MS4A6E: variants seen among roughly 807,000 people sequenced by gnomAD.
MS4A6E encodes the protein membrane spanning 4-domains A6E.
In MS4A6E, 8 loss-of-function variants were observed where a neutral mutation model predicts 13.2. The observed-to-expected ratio is 0.60, with a 90% CI of 0.35 to 1.09. The LOEUF (loss-of-function observed/expected upper bound fraction) is 1.09. MS4A6E is among the 50% of genes least tolerant of loss of function. MS4A6E has a pLI of 0.02. For synonymous variants in MS4A6E, 72 were observed against 67.6 expected, an observed-to-expected ratio of 1.06 and a Z score of -0.32; for missense variants, 177 against 171.1, an observed-to-expected ratio of 1.03 and a Z score of -0.19.
intron 3 of MS4A6E, chr11:60,338,657 A>C (rs2085204444): frequency 6.6e-6 from 1 of 152,210 alleles, no homozygotes; most frequent in African/African-American, 2.4e-5. Flanking sequence ...TCTGAAGTTG[A>C]AAAATTAAGG....
At chr11:60,330,793 A>G (rs1477070692) in intron 1 of MS4A6E, among the ~76,000 whole-genome samples, 1 of 152,158 alleles carries the variant, frequency 6.6e-6, no homozygotes, top group African/African-American at 2.4e-5. Context: ...TAATTTTTGA[A>G]TAAGCTGTAA....
At chr11:60,336,446 T>A (rs538839105) in intron 2 of MS4A6E, among the ~76,000 whole-genome samples, 3 of 152,202 alleles carry the variant, frequency 2.0e-5, no homozygotes, top group African/African-American at 7.2e-5. Flanking sequence ...AATCCCACAG[T>A]GAACATGCAG....
chr11:60,343,330 T>G (rs114021604), downstream of MS4A6E, among the ~76,000 whole-genome samples: 1,589 of 152,290 alleles, frequency 0.01, 28 homozygotes, highest in African/African-American at 0.036. Context: ...CGCGTTAATA[T>G]AAAAGGAACC....
Position 60,337,770 on chromosome 11 carries a change from G to C in MS4A6E, c.177G>C (p.Leu59=). Reference sequence around the variant, plus strand: ...ATAGCAGCCTGGCTGGAAGCATTCTGAGTGCTCTGTCTGCCCTGGTGGGTT... The same window carrying C: ...ATAGCAGCCTGGCTGGAAGCATTCTCAGTGCTCTGTCTGCCCTGGTGGGTT... The part of the protein sequence containing the change: ...GVHSSLAGSI[L]SALSALVGFI... Residue 59 remains leucine (L), a synonymous_variant, in exon 3 of 5, where the codon CTG becomes CTC. Transcript: ENST00000684409. 1 of 1,614,214 alleles carries C rather than the reference G, an allele frequency of 6.2e-7. No homozygotes were observed. Among genetic ancestry groups the C allele is most frequent in the Non-Finnish European group, 8.5e-7 (1 of 1,180,036 alleles).
downstream of MS4A6E, among the ~76,000 whole-genome samples, chr11:60,345,333 G>A (rs1162700329): frequency 6.6e-6 from 1 of 152,206 alleles, no homozygotes; most frequent in Non-Finnish European, 1.5e-5. Flanking sequence ...TACTTGGAGT[G>A]TAAATATTAC....
intron 2 of MS4A6E, among the ~76,000 whole-genome samples, chr11:60,336,197 A>T (rs146875371): frequency 3.0e-4 from 45 of 152,358 alleles, no homozygotes; most frequent in Non-Finnish European, 4.6e-4. Context: ...TGGAAATGAA[A>T]TGTAACTTTC....
downstream of MS4A6E, among the ~76,000 whole-genome samples, chr11:60,342,202 G>C (rs76214928): frequency 1.0e-5 from 1 of 95,306 alleles, no homozygotes; most frequent in Non-Finnish European, 2.0e-5. Flanking sequence ...AGAGAGAGAG[G>C]GGGGGGGAGA....
At chr11:60,344,423 G>A (rs190868192), downstream of MS4A6E, among the ~76,000 whole-genome samples, 793 of 152,270 alleles carry the variant, frequency 5.2e-3, 2 homozygotes, top group African/African-American at 0.017. Context: ...CTGTTCAGGG[G>A]ATTATTTTTA....
chr11:60,335,192 C>A, intron 2 of MS4A6E, 150 bp downstream of exon 2: 1 of 1,127,646 alleles, frequency 8.9e-7, no homozygotes, highest in Non-Finnish European at 1.2e-6. Context: ...GAAAACTGTC[C>A]CAGAACTTTT....
chr11:60,331,925 A>G (rs775973515), intron 1 of MS4A6E, among the ~76,000 whole-genome samples: 9 of 152,152 alleles, frequency 5.9e-5, no homozygotes, highest in Non-Finnish European at 1.0e-4. Flanking sequence ...TTGAACCAGA[A>G]AGTTGGCCTT....
chr11:60,342,757 T>C (rs1363478182), downstream of MS4A6E, among the ~76,000 whole-genome samples: 1 of 152,238 alleles, frequency 6.6e-6, no homozygotes, highest in African/African-American at 2.4e-5. Flanking sequence ...GCACAACTGC[T>C]GGCATTCACC....
At chr11:60,347,180 A>G (rs2085260145) in intron 4 of MS4A6E, among the ~76,000 whole-genome samples, 1 of 152,200 alleles carries the variant, frequency 6.6e-6, no homozygotes. Flanking sequence ...TGAGACACTC[A>G]GTAGCTGTCT....
At chr11:60,340,634 G>T (rs1361775046) in intron 4 of MS4A6E, 142 bp from the exon 5 acceptor site, 8 of 152,818 alleles carry the variant, frequency 5.2e-5, no homozygotes, top group Admixed American at 5.2e-4. Context: ...CCAGTGATCT[G>T]CTCTACTTGT....
chr11:60,332,313 A>G (rs2085161910), intron 1 of MS4A6E, among the ~76,000 whole-genome samples: 1 of 152,246 alleles, frequency 6.6e-6, no homozygotes, highest in Admixed American at 6.5e-5. Context: ...AAGGTATAAA[A>G]GTTTTGCATT....
intron 1 of MS4A6E, among the ~76,000 whole-genome samples, 115 bp downstream of exon 1, chr11:60,327,523 A>G (rs895802959): frequency 1.3e-5 from 2 of 152,216 alleles, no homozygotes; most frequent in African/African-American, 2.4e-5. Flanking sequence ...GCTGTATCGA[A>G]CACCTAAAAA....
rs540208983 is a variant in MS4A6E at position 60,348,616 on chromosome 11, G to A, written c.*162+7688G>A. Among the ~76,000 whole-genome samples the A allele has an allele frequency of 2.4e-3, 370 of 152,340 alleles. 1 individual carries two copies. Among genetic ancestry groups the A allele is most frequent in the African/African-American group, 8.3e-3 (346 of 41,582 alleles). On this transcript the variant is annotated intron_variant and NMD_transcript_variant, in intron 4 of 4. Transcript: ENST00000532756. The stretch of plus-strand genomic sequence containing the variant: ...CCGGATCAAGCAATCAGAGGCTGGG[G>A]TCAGTCCAGAAGGCTTCAGATAACA...
chr11:60,334,229 G>C (rs1180827683), intron 1 of MS4A6E, among the ~76,000 whole-genome samples: 1 of 152,154 alleles, frequency 6.6e-6, no homozygotes, highest in Non-Finnish European at 1.5e-5. Flanking sequence ...GGACACCAGG[G>C]GGAGAAAGAG....
At chr11:60,329,796 A>G (rs979423228) in intron 1 of MS4A6E, among the ~76,000 whole-genome samples, 4 of 148,778 alleles carry the variant, frequency 2.7e-5, no homozygotes, top group Non-Finnish European at 4.4e-5. Context: ...TCTTCTTATG[A>G]GAATTGTCTG....
chr11:60,344,920 G>GTTTT (rs2085249037), downstream of MS4A6E, among the ~76,000 whole-genome samples: 1 of 149,052 alleles, frequency 6.7e-6, no homozygotes, highest in Non-Finnish European at 1.5e-5. Flanking sequence ...TGTTTTTTTT[G>GTTTT]TTTGTTTTTT....
Sources: gnomAD v4.1 joint callset for allele counts (sites outside exome capture counted in the v4.1 genomes callset) on GRCh38, gnomAD v4.1.1 for gene constraint, MANE v1.5 for transcripts, NCBI Gene and HGNC (gene_info 2026-07-23, HGNC 2026-07-21) for gene names.